Variants in MYOM2 observed in about 807,000 individuals in gnomAD.
MYOM2 encodes myomesin-2.
In MYOM2, 254 loss-of-function variants were observed where a neutral mutation model predicts 187.6. That is an observed-to-expected ratio of 1.35 (90% CI 1.22 to 1.50). The LOEUF is 1.50. Ranked by LOEUF, MYOM2 falls within the 40% of genes most tolerant of loss-of-function variation. The pLI is 0.00. For synonymous variants in MYOM2, 981 were observed against 753.8 expected, an observed-to-expected ratio of 1.30 and a Z score of -4.94; for missense variants, 2,796 against 1,924.0, an observed-to-expected ratio of 1.45 and a Z score of -8.48.
Position 2,086,350 on chromosome 8 carries a change from C to T in MYOM2, c.1644+960C>T, listed in dbSNP as rs1324316792. ...GCGTGGCCCCCCACTGTTGTGATCT[C>T]TGCGTGGCCTCCCACTGTTGTGATC... is the stretch of plus-strand genomic sequence containing the variant. On this transcript the variant is annotated intron_variant, in intron 14 of 36. Coordinates refer to ENST00000262113, the MANE Select transcript of MYOM2 (RefSeq NM_003970.4). Among the ~76,000 whole-genome samples the T allele has an allele frequency of 2.7e-3, 157 of 57,878 alleles. 33 individuals are homozygous for T. Among genetic ancestry groups the T allele is most frequent in the Non-Finnish European group, 3.3e-3 (99 of 29,688 alleles). The allele number at this position is 57,878 out of a possible 152,430, so 38.0% of individuals were successfully genotyped here.
chr8:2,140,474 T>C (rs923463728), intron 32 of MYOM2, among the ~76,000 whole-genome samples: 1 of 152,258 alleles, frequency 6.6e-6, no homozygotes, highest in African/African-American at 2.4e-5. Context: ...GTTAAGTCCA[T>C]TATGTCGTGA....
chr8:2,104,612 A>G (rs947825842), intron 21 of MYOM2, among the ~76,000 whole-genome samples: 3 of 151,678 alleles, frequency 2.0e-5, no homozygotes, highest in Non-Finnish European at 4.4e-5. Flanking sequence ...TTAAAAAAAA[A>G]AAAAGAAAAA....
chr8:2,050,607 T>G, intron 1 of MYOM2, 148 bp from the exon 2 acceptor site: 1 of 532,992 alleles, frequency 1.9e-6, no homozygotes, highest in Non-Finnish European at 3.4e-6. Flanking sequence ...TCTAAGGTGA[T>G]TTCTGGCCAT....
chr8:2,081,151 C>T (rs1364459030), intron 13 of MYOM2, among the ~76,000 whole-genome samples: 8 of 118,372 alleles, frequency 6.8e-5, no homozygotes, highest in African/African-American at 2.3e-4. Flanking sequence ...GCAGCCCAGC[C>T]CGTGTAGAAT....
intron 10 of MYOM2, among the ~76,000 whole-genome samples, chr8:2,073,848 G>A (rs1049746082): frequency 1.3e-5 from 2 of 152,178 alleles, no homozygotes; most frequent in African/African-American, 2.4e-5. Context: ...ATGAAGAGGG[G>A]CACAGTGTTG....
In MYOM2 at chr8:2,139,303, G is replaced by A. The variant is rs74860343; in HGVS notation, c.3801-1420G>A. 8.3e-3 allele frequency among the ~76,000 whole-genome samples: 1,265 copies of A among 151,920 alleles called. 17 individuals are homozygous for A. Among genetic ancestry groups the A allele is most frequent in the African/African-American group, 0.029 (1,194 of 41,346 alleles). On this transcript the variant is annotated intron_variant, in intron 32 of 36. Transcript: ENST00000262113. ...ACTACAGGTGCTTGCCACCACACCC[G>A]GCTAATTTTTTTATTTTTGTTGAGA...
intron 6 of MYOM2, among the ~76,000 whole-genome samples, chr8:2,068,747 C>T (rs751286804): frequency 6.6e-6 from 1 of 152,208 alleles, no homozygotes; most frequent in Non-Finnish European, 1.5e-5. Flanking sequence ...GGGAACGGCT[C>T]CTGCATGGAA....
At chr8:2,096,481 T>G (rs1415804465) in intron 18 of MYOM2, 47 bp downstream of exon 18, 1 of 1,581,886 alleles carries the variant, frequency 6.3e-7, no homozygotes, top group Admixed American at 1.8e-5. Flanking sequence ...GGGTGGTTCT[T>G]TACATTTTTG....
intron 32 of MYOM2, among the ~76,000 whole-genome samples, chr8:2,129,825 A>T (rs1797789808): frequency 6.6e-6 from 1 of 152,138 alleles, no homozygotes; most frequent in Non-Finnish European, 1.5e-5. Flanking sequence ...CAGGCAAAGC[A>T]CAAGCCGACA....
At chr8:2,063,831 A>T (rs1424766559) in intron 6 of MYOM2, among the ~76,000 whole-genome samples, 2 of 152,186 alleles carry the variant, frequency 1.3e-5, no homozygotes, top group African/African-American at 4.8e-5. Flanking sequence ...ATACTCTGGG[A>T]TGCCAAAGGG....
chr8:2,134,635 C>T (rs1255757244), intron 32 of MYOM2, among the ~76,000 whole-genome samples: 1 of 152,132 alleles, frequency 6.6e-6, no homozygotes, highest in African/African-American at 2.4e-5. Flanking sequence ...CTCCTCTGTG[C>T]ATCTCCTCAT....
chr8:2,139,577 G>A (rs1798204503), intron 32 of MYOM2, among the ~76,000 whole-genome samples: 3 of 152,150 alleles, frequency 2.0e-5, no homozygotes, highest in Admixed American at 2.0e-4. Context: ...GCCGGCAAGG[G>A]TAAGGAAAGA....
rs544544159 is a variant in MYOM2, at chr8:2,085,356, G to A, written c.1610G>A (p.Arg537His). 9.3e-6 allele frequency: 15 copies of A among 1,613,592 alleles called. No homozygotes were observed. The highest frequency in any genetic ancestry group is 8.9e-5 in the East Asian group (4 of 44,854). Reference sequence around the variant, plus strand: ...CTCAGCTGGGAGCCACCCACTCCCCGTGGCAAGGACCCGCTCATGTACTTC... The same window carrying A: ...CTCAGCTGGGAGCCACCCACTCCCCATGGCAAGGACCCGCTCATGTACTTC... The part of the protein sequence containing the change: ...VVLSWEPPTP[R>H]GKDPLMYFIE... Residue 537 changes from arginine (R) to histidine (H), a missense_variant, in exon 14 of 37, where the codon CGT (arginine) becomes CAT (histidine). Transcript: ENST00000262113.
intron 11 of MYOM2, 72 bp from the exon 12 acceptor site, chr8:2,078,662 C>T (rs1487931833): frequency 2.2e-6 from 3 of 1,334,536 alleles, no homozygotes; most frequent in Non-Finnish European, 3.2e-6. Context: ...TGCATATATG[C>T]ATATACCTAT....
chr8:2,083,237 G>A (rs2116690870), intron 13 of MYOM2, among the ~76,000 whole-genome samples: 1 of 151,988 alleles, frequency 6.6e-6, no homozygotes, highest in East Asian at 1.9e-4. Flanking sequence ...TACTCAATTG[G>A]GTGAGGGCAG....
In MYOM2 at chr8:2,109,489, C is replaced by G; in HGVS notation, c.3138C>G (p.Ser1046Arg). The G allele has an allele frequency of 6.2e-7, 1 of 1,613,408 alleles. No individual in the cohort carries two copies. Among genetic ancestry groups the G allele is most frequent in the Non-Finnish European group, 8.5e-7 (1 of 1,179,662 alleles). The change falls in exon 25 of 37, where the codon AGC becomes AGG. Residue 1046 changes from serine to arginine, a missense_variant. Physicochemically the swap from Ser to Arg is moderately radical, Grantham distance 110. Coordinates refer to ENST00000262113, the MANE Select transcript of MYOM2 (RefSeq NM_003970.4). Reference protein sequence around the residue: ...LQAEHLSPDASYRFIINDREV... With the variant: ...LQAEHLSPDARYRFIINDREV... Reference sequence around the variant, plus strand: ...CTGAGCACTTATCACCAGATGCCAGCTACCGATTTATTATTAACGACAGAG... The same window carrying G: ...CTGAGCACTTATCACCAGATGCCAGGTACCGATTTATTATTAACGACAGAG...
At position 2,085,343 on chromosome 8, in the gene MYOM2, C is replaced by T. The variant is rs764871025; in HGVS notation, c.1597C>T (p.Pro533Ser). Reference sequence around the variant, plus strand: ...AAACTATGTCGTCCTCAGCTGGGAGCCACCCACTCCCCGTGGCAAGGACCC... The same window carrying T: ...AAACTATGTCGTCCTCAGCTGGGAGTCACCCACTCCCCGTGGCAAGGACCC... ...SRNYVVLSWE[P>S]PTPRGKDPLM... The change falls in exon 14 of 37, where the codon CCA becomes TCA. Residue 533 changes from proline (P) to serine (S), a missense_variant. Coordinates refer to ENST00000262113, the MANE Select transcript of MYOM2 (RefSeq NM_003970.4). 65 of 1,613,910 alleles carry T rather than the reference C, an allele frequency of 4.0e-5. No individual in the cohort carries two copies. The highest frequency in any genetic ancestry group is 6.7e-5 in the East Asian group (3 of 44,882).
chr8:2,055,713 C>A (rs1818641098), intron 3 of MYOM2, among the ~76,000 whole-genome samples: 2 of 152,178 alleles, frequency 1.3e-5, no homozygotes, highest in South Asian at 4.1e-4. Flanking sequence ...AAGCGCTGGT[C>A]CATCGGAGCC....
At position 2,140,876 on chromosome 8, in the gene MYOM2, G is replaced by A. The variant is rs1329950223; in HGVS notation, c.3954G>A (p.Leu1318=). The A allele has an allele frequency of 6.2e-7, 1 of 1,610,130 alleles. No individual in the cohort carries two copies. Among genetic ancestry groups the A allele is most frequent in the African/African-American group, 1.3e-5 (1 of 74,766 alleles). Reference sequence around the variant, plus strand: ...ACAACCATCAACGCTCCCTTGACCTGTCCGGACAAGGTAAGAGAATTCTTC... The same window carrying A: ...ACAACCATCAACGCTCCCTTGACCTATCCGGACAAGGTAAGAGAATTCTTC... ...GKDNHQRSLD[L]SGQAFDEAFA... Residue 1318 remains leucine, a synonymous_variant, in exon 33 of 37, where the codon CTG becomes CTA. Coordinates refer to ENST00000262113, the MANE Select transcript of MYOM2 (RefSeq NM_003970.4).
Sources: gnomAD v4.1 joint callset for allele counts (sites outside exome capture counted in the v4.1 genomes callset) on GRCh38, gnomAD v4.1.1 for gene constraint, MANE v1.5 for transcripts, NCBI Gene and HGNC (gene_info 2026-07-23, HGNC 2026-07-21) for gene names.